The following SH3RF3 variants were observed in gnomAD, a reference collection of about 807,000 sequenced individuals.
SH3RF3 encodes E3 ubiquitin-protein ligase SH3RF3.
In SH3RF3, 29 loss-of-function variants were observed where a neutral mutation model predicts 66.3. The observed-to-expected ratio is 0.44, with a 90% CI of 0.33 to 0.60. SH3RF3 has a LOEUF of 0.60. SH3RF3 is among the 20% of genes least tolerant of loss of function. The probability of loss-of-function intolerance (pLI) is 0.04; values close to 1 mark genes in which losing one functional copy is unlikely to be tolerated. For synonymous variants in SH3RF3, 583 were observed against 532.0 expected (o/e 1.10, Z -1.32); for missense variants, 1,194 against 1,190.9 (o/e 1.00, Z -0.04).
chr2:109,398,578 T>A lies in SH3RF3; in HGVS notation c.946-12T>A, dbSNP rs762105450. On this transcript the variant is annotated splice_polypyrimidine_tract_variant and intron_variant, in intron 3 of 9. Coordinates refer to ENST00000309415, the MANE Select transcript of SH3RF3 (RefSeq NM_001099289.3). Reference sequence around the variant, plus strand: ...ATTTAATGCAGCCTCCCCTCTCCCCTTTCTCACTCAGCTCAATGACTCCGC... The same window carrying A: ...ATTTAATGCAGCCTCCCCTCTCCCCATTCTCACTCAGCTCAATGACTCCGC... 1 of 1,540,502 alleles carries A rather than the reference T, an allele frequency of 6.5e-7. No individual in the cohort carries two copies. The highest frequency in any genetic ancestry group is 1.9e-5 in the Admixed American group (1 of 51,934).
chr2:109,164,535 C>T (rs1213130336), intron 1 of SH3RF3, among the ~76,000 whole-genome samples: 1 of 152,162 alleles, frequency 6.6e-6, no homozygotes, highest in Non-Finnish European at 1.5e-5. Flanking sequence ...GGCTGTTTCC[C>T]AGTTTACAGC....
Position 109,259,548 on chromosome 2 carries a change from A to G in SH3RF3, c.574-88126A>G, listed in dbSNP as rs1454354112. ...GGGCCCTTCATGCCTTAACATCCCAAGAGGCTTGTTTTGTTATTTTCTTCC... is the reference window on the plus strand; with the variant it reads ...GGGCCCTTCATGCCTTAACATCCCAGGAGGCTTGTTTTGTTATTTTCTTCC... On this transcript the variant is annotated intron_variant, in intron 1 of 9. Transcript: ENST00000309415. 2.0e-5 allele frequency among the ~76,000 whole-genome samples: 3 copies of G among 152,162 alleles called. No individual in the cohort carries two copies. The East Asian group carries it at 5.8e-4, about 29-fold the overall frequency.
chr2:109,467,576 C>G (rs955686377), intron 8 of SH3RF3, among the ~76,000 whole-genome samples: 1 of 152,158 alleles, frequency 6.6e-6, no homozygotes, highest in African/African-American at 2.4e-5. Context: ...GCAGGGGGAT[C>G]TGCTAAGTCA....
chr2:109,239,635 G>A (rs1398930138), intron 1 of SH3RF3, among the ~76,000 whole-genome samples: 1 of 152,168 alleles, frequency 6.6e-6, no homozygotes, highest in East Asian at 1.9e-4. Context: ...TAACAGGGAG[G>A]AAAGAGAGGC....
rs759035414 is a variant in SH3RF3, at chr2:109,387,046, A to G, written c.946-11544A>G. On this transcript the variant is annotated intron_variant, in intron 3 of 9. Coordinates refer to ENST00000309415, the MANE Select transcript of SH3RF3 (RefSeq NM_001099289.3). ...GAAAAGTGTAAAGAAGAAAATTAAA[A>G]TCACCCATAATCCTACCAGTAAATA... 1.3e-4 allele frequency among the ~76,000 whole-genome samples: 20 copies of G among 152,356 alleles called. 1 individual carries two copies. In the Middle Eastern group the frequency reaches 0.027, roughly 207 times the overall value.
At chr2:109,232,414 A>G (rs1205842053) in intron 1 of SH3RF3, among the ~76,000 whole-genome samples, 2 of 152,198 alleles carry the variant, frequency 1.3e-5, no homozygotes, top group Non-Finnish European at 1.5e-5. Flanking sequence ...TGGCTGAGTC[A>G]CTTAATTTCT....
chr2:109,383,696 C>T (rs1431382822), intron 3 of SH3RF3, among the ~76,000 whole-genome samples: 5 of 152,170 alleles, frequency 3.3e-5, no homozygotes, highest in African/African-American at 1.2e-4. Context: ...TTCGTTGCTG[C>T]TCAACCCCCG....
At chr2:109,346,986 T>C (rs1462407505) in intron 1 of SH3RF3, among the ~76,000 whole-genome samples, 1 of 152,166 alleles carries the variant, frequency 6.6e-6, no homozygotes, top group Non-Finnish European at 1.5e-5. Context: ...GCATGGCCCC[T>C]GTGCTCCACA....
At chr2:109,207,088 G>A (rs891895627) in intron 1 of SH3RF3, among the ~76,000 whole-genome samples, 4 of 152,288 alleles carry the variant, frequency 2.6e-5, no homozygotes, top group Middle Eastern at 3.4e-3. Context: ...AGCTTAGTGC[G>A]CTCAAGAAGA....
chr2:109,406,587 A>G (rs1008720476), intron 4 of SH3RF3, among the ~76,000 whole-genome samples: 9 of 152,192 alleles, frequency 5.9e-5, no homozygotes, highest in Admixed American at 2.0e-4. Flanking sequence ...GTTTTGGTAA[A>G]TGAAAGCTTT....
chr2:109,182,452 T>C (rs1678093745), intron 1 of SH3RF3, among the ~76,000 whole-genome samples: 1 of 152,186 alleles, frequency 6.6e-6, no homozygotes, highest in Non-Finnish European at 1.5e-5. Flanking sequence ...ACATAAACTT[T>C]GGGGGACACA....
intron 1 of SH3RF3, among the ~76,000 whole-genome samples, chr2:109,316,642 C>T (rs1051435443): frequency 6.6e-6 from 1 of 152,194 alleles, no homozygotes; most frequent in African/African-American, 2.4e-5. Context: ...CATGTGCAGC[C>T]TTTCCATCAG....
chr2:109,285,087 G>A lies in SH3RF3; in HGVS notation c.574-62587G>A, dbSNP rs921260993. Among the ~76,000 whole-genome samples, 7 of 152,368 alleles carry A rather than the reference G, an allele frequency of 4.6e-5. 1 individual carries two copies. Among genetic ancestry groups the A allele is most frequent in the Admixed American group, 2.6e-4 (4 of 15,302 alleles). ...CCCTGTCCTGGAAGAGGCCCAGGCA[G>A]CTGTCACCCCTTAGCCCAGTCTGGA... is the stretch of plus-strand genomic sequence containing the variant. On this transcript the variant is annotated intron_variant, in intron 1 of 9. Coordinates refer to ENST00000309415, the MANE Select transcript of SH3RF3 (RefSeq NM_001099289.3).
At chr2:109,220,609 G>A (rs1679207960) in intron 1 of SH3RF3, among the ~76,000 whole-genome samples, 1 of 152,212 alleles carries the variant, frequency 6.6e-6, no homozygotes, top group East Asian at 1.9e-4. Flanking sequence ...AATGGGTCAA[G>A]GTTTTCAGTA....
At chr2:109,195,574 A>G (rs1196718399) in intron 1 of SH3RF3, among the ~76,000 whole-genome samples, 3 of 152,204 alleles carry the variant, frequency 2.0e-5, no homozygotes. Flanking sequence ...CGCATGCTTG[A>G]TGGGCTTCCC....
intron 1 of SH3RF3, among the ~76,000 whole-genome samples, chr2:109,299,023 C>A (rs1440899445): frequency 6.6e-6 from 1 of 152,170 alleles, no homozygotes; most frequent in African/African-American, 2.4e-5. Flanking sequence ...GGTGATGTCT[C>A]CCCCCAGTGC....
In SH3RF3 at chr2:109,129,280, T is replaced by TA; in HGVS notation, c.-260dup. 3.1e-6 allele frequency: 2 copies of TA among 645,658 alleles called. No homozygotes were observed. The highest frequency in any genetic ancestry group is 5.3e-6 in the Non-Finnish European group (2 of 375,506). The allele number at this position is 645,658 out of a possible 1,614,324, so 40.0% of individuals were successfully genotyped here. ...GGGCGGACTTGCGGCGGGACAGGTG[T>TA]AGCCCGCAGCCGCAGGCGCTGCGCT... On this transcript the variant is annotated 5_prime_UTR_variant, in exon 1 of 10. Transcript: ENST00000309415.
At chr2:109,324,156 C>T (rs1682094450) in intron 1 of SH3RF3, among the ~76,000 whole-genome samples, 1 of 152,170 alleles carries the variant, frequency 6.6e-6, no homozygotes, top group Non-Finnish European at 1.5e-5. Flanking sequence ...GTTTTTATGG[C>T]TGAATAATAA....
intron 1 of SH3RF3, among the ~76,000 whole-genome samples, chr2:109,209,767 C>T (rs1678925136): frequency 6.6e-6 from 1 of 152,128 alleles, no homozygotes; most frequent in Admixed American, 6.5e-5. Context: ...GGTTTGTTCA[C>T]CTCCTGTGCT....
Sources: allele counts gnomAD v4.1 joint callset (sites outside exome capture counted in the v4.1 genomes callset), GRCh38; gene constraint gnomAD v4.1.1; transcripts MANE v1.5; gene names NCBI Gene and HGNC (gene_info 2026-07-23, HGNC 2026-07-21).